The following POLR2B variants were observed in gnomAD, a reference collection of about 807,000 sequenced individuals.
POLR2B encodes RNA polymerase II subunit B.
Under a neutral mutation model 144.6 loss-of-function variants are expected in POLR2B, and 57 were observed. That is an observed-to-expected ratio of 0.39 (90% CI 0.32 to 0.49). POLR2B has a LOEUF of 0.49. POLR2B is among the 20% of genes least tolerant of loss of function. POLR2B has a pLI of 0.83. For missense variants in POLR2B, 595 were observed against 1,467.4 expected (o/e 0.41, Z 9.71); for synonymous variants, 442 against 469.8 (o/e 0.94, Z 0.77).
At chr4:57,015,261 A>G (rs1220053752) in intron 13 of POLR2B, among the ~76,000 whole-genome samples, 1 of 152,274 alleles carries the variant, frequency 6.6e-6, no homozygotes, top group Non-Finnish European at 1.5e-5. Context: ...CTTGCATGAC[A>G]TTATTACCAG....
intron 2 of POLR2B, among the ~76,000 whole-genome samples, chr4:56,988,263 G>A (rs776693520): frequency 2.0e-5 from 3 of 151,970 alleles, no homozygotes; most frequent in Admixed American, 6.6e-5. Context: ...GGAGATGGAC[G>A]AGGAAGATAC....
chr4:56,998,940 G>C (rs1044838178), intron 6 of POLR2B, among the ~76,000 whole-genome samples: 1 of 152,144 alleles, frequency 6.6e-6, no homozygotes, highest in Non-Finnish European at 1.5e-5. Context: ...AGGGTTATGA[G>C]GCCAAGGGAA....
intron 2 of POLR2B, among the ~76,000 whole-genome samples, chr4:56,989,007 TG>T (rs752287420): frequency 3.9e-5 from 6 of 152,262 alleles, no homozygotes; most frequent in Non-Finnish European, 7.3e-5. Context: ...GTAGATACTT[TG>T]GCTATTGAGA....
chr4:57,008,788 G>C (rs894664334), intron 10 of POLR2B, among the ~76,000 whole-genome samples: 2 of 152,184 alleles, frequency 1.3e-5, no homozygotes, highest in Non-Finnish European at 2.9e-5. Flanking sequence ...CCCAAGTTGC[G>C]AGGTAGGTAG....
rs771627620 is a variant in POLR2B at position 57,024,987 on chromosome 4, C to T, written c.3066C>T (p.Leu1022=). 1 of 1,523,878 alleles carries T rather than the reference C, an allele frequency of 6.6e-7. No homozygotes were observed. The highest frequency in any genetic ancestry group is 1.7e-4 in the Middle Eastern group (1 of 5,864). The allele number at this position is 1,523,878 out of a possible 1,614,324, so 94.4% of individuals were successfully genotyped here. The change falls in exon 22 of 25, where the codon CTC becomes CTT. Residue 1022 remains leucine, a synonymous_variant. Coordinates refer to ENST00000314595, the MANE Select transcript of POLR2B (RefSeq NM_000938.3). ...TTTTATCTGATTATGGCTATCATCT[C>T]AGAGGAAATGAGGTATATTTGCTCT... ...SNLLSDYGYH[L]RGNEVLYNGF...
chr4:56,993,056 C>T (rs943133209), intron 3 of POLR2B, among the ~76,000 whole-genome samples: 1 of 152,008 alleles, frequency 6.6e-6, no homozygotes, highest in Non-Finnish European at 1.5e-5. Context: ...GTAATCCCAG[C>T]ACTTTGGGAG....
At chr4:56,989,525 T>C (rs534596398) in intron 2 of POLR2B, among the ~76,000 whole-genome samples, 1 of 152,354 alleles carries the variant, frequency 6.6e-6, no homozygotes, top group Admixed American at 6.5e-5. Context: ...TGTTGGCCTG[T>C]CACTGATGTG....
chr4:56,999,818 A>C (rs769089799), intron 7 of POLR2B, 37 bp downstream of exon 7: 16 of 1,454,866 alleles, frequency 1.1e-5, no homozygotes, highest in Non-Finnish European at 1.4e-5. Context: ...AGAGCTTTAT[A>C]AGAGATTTAG....
intron 13 of POLR2B, among the ~76,000 whole-genome samples, chr4:57,011,461 G>A (rs1394317752): frequency 6.6e-6 from 1 of 152,136 alleles, no homozygotes; most frequent in Non-Finnish European, 1.5e-5. Context: ...CCGGGAGGCG[G>A]GGGTTATGGT....
chr4:56,984,249 A>C (rs1333271486), intron 1 of POLR2B, among the ~76,000 whole-genome samples: 2 of 151,998 alleles, frequency 1.3e-5, no homozygotes, highest in Non-Finnish European at 2.9e-5. Flanking sequence ...AGTTGTTCCC[A>C]GATATCCTGC....
At chr4:56,988,405 C>T (rs1348303914) in intron 2 of POLR2B, among the ~76,000 whole-genome samples, 6 of 151,522 alleles carry the variant, frequency 4.0e-5, no homozygotes, top group African/African-American at 9.7e-5. Flanking sequence ...CGCACCTGCC[C>T]GTAATCCCAA....
rs375749549 is a variant in POLR2B at position 57,023,770 on chromosome 4, C to T, written c.2856+19C>T. On this transcript the variant is annotated intron_variant, in intron 20 of 24. Coordinates refer to ENST00000314595, the MANE Select transcript of POLR2B (RefSeq NM_000938.3). The surrounding 1 kb of genome is among the most constrained non-coding windows in gnomAD (Gnocchi z 4.3). ...ACAAGAGGTAGGTATCTTTGATCTC[C>T]CTCATGCCCAAACCAGTTTTGTTAA... The T allele has an allele frequency of 2.8e-6, 4 of 1,446,212 alleles. No homozygotes were observed. The highest frequency in any genetic ancestry group is 4.1e-5 in the Admixed American group (2 of 48,458). The allele number at this position is 1,446,212 out of a possible 1,614,324, so 89.6% of individuals were successfully genotyped here.
chr4:57,012,249 A>G (rs1023769058), intron 13 of POLR2B, among the ~76,000 whole-genome samples: 8 of 152,098 alleles, frequency 5.3e-5, no homozygotes, highest in Non-Finnish European at 1.0e-4. Flanking sequence ...TACTAAAAAT[A>G]AAAAAATCAG....
rs908636430 is a variant in POLR2B at position 57,017,379 on chromosome 4, A to G, written c.2154+138A>G. 1.3e-6 allele frequency: 1 copy of G among 788,282 alleles called. No homozygotes were observed. Among genetic ancestry groups the G allele is most frequent in the Non-Finnish European group, 2.1e-6 (1 of 480,090 alleles). The allele number at this position is 788,282 out of a possible 1,614,324, so 48.8% of individuals were successfully genotyped here. ...AACTCCTACGGAATCAGTATTTGAT[A>G]TAATTGCTGTTGTGTTTCATGGTTA... On this transcript the variant is annotated intron_variant, in intron 15 of 24. Transcript: ENST00000314595. The surrounding 1 kb of genome is among the most constrained non-coding windows in gnomAD (Gnocchi z 4.8).
At chr4:57,019,226 T>G (rs935518971) in intron 16 of POLR2B, among the ~76,000 whole-genome samples, 1 of 152,194 alleles carries the variant, frequency 6.6e-6, no homozygotes, top group African/African-American at 2.4e-5. Flanking sequence ...TACAGTTTCT[T>G]TATGGCTAGA....
At position 57,006,132 on chromosome 4, in the gene POLR2B, T is replaced by C. The variant is rs1723011212; in HGVS notation, c.1217+413T>C. Reference sequence around the variant, plus strand: ...TTTTTAATTTTATTCTTGATGTTTGTATATTTCCCATATTTTCTATAATTG... The same window carrying C: ...TTTTTAATTTTATTCTTGATGTTTGCATATTTCCCATATTTTCTATAATTG... On this transcript the variant is annotated intron_variant, in intron 9 of 24. Transcript: ENST00000314595. 2.0e-5 allele frequency among the ~76,000 whole-genome samples: 3 copies of C among 152,364 alleles called. No individual in the cohort carries two copies. In the South Asian group the frequency reaches 6.2e-4, roughly 32 times the overall value.
chr4:56,980,671 G>A (rs1722130018), intron 1 of POLR2B, among the ~76,000 whole-genome samples: 1 of 152,094 alleles, frequency 6.6e-6, no homozygotes, highest in African/African-American at 2.4e-5. Flanking sequence ...TATGAGCTGA[G>A]AACAAAGTGA....
chr4:57,029,916 C>T (rs1043581929), intron 23 of POLR2B, among the ~76,000 whole-genome samples: 1 of 152,058 alleles, frequency 6.6e-6, no homozygotes, highest in Non-Finnish European at 1.5e-5. Flanking sequence ...GATGGGGTCT[C>T]GCCATGTTGC....
chr4:57,010,407 G>A lies in POLR2B; in HGVS notation c.1451G>A (p.Arg484His), dbSNP rs2109690951. ...TFASTLSHLR[R>H]LNSPIGRDGK... ...GCGTCTACTCTTTCTCACCTGCGTC[G>A]TTTAAATTCTCCTATTGGTAGAGAC... is the stretch of plus-strand genomic sequence containing the variant. Residue 484 changes from arginine (R) to histidine (H), a missense_variant, in exon 11 of 25, where the codon CGT becomes CAT. Arg to His is a conservative substitution (Grantham distance 29, BLOSUM62 0). Transcript: ENST00000314595. 1 of 1,613,914 alleles carries A rather than the reference G, an allele frequency of 6.2e-7. No homozygotes were observed. The highest frequency in any genetic ancestry group is 8.5e-7 in the Non-Finnish European group (1 of 1,179,910).
Sources: gnomAD v4.1 joint callset for allele counts (sites outside exome capture counted in the v4.1 genomes callset) on GRCh38, gnomAD v4.1.1 for gene constraint, Gnocchi (gnomAD v3.1) non-coding constraint, MANE v1.5 for transcripts, NCBI Gene and HGNC (gene_info 2026-07-23, HGNC 2026-07-21) for gene names.